KATNIP: variants seen among roughly 807,000 people sequenced by gnomAD.
The protein encoded by KATNIP is katanin-interacting protein.
A neutral mutation model predicts 174.0 loss-of-function variants in KATNIP; 126 were observed. The observed-to-expected ratio is 0.72, with a 90% CI of 0.63 to 0.84. The LOEUF is 0.84. Ranked by LOEUF, KATNIP falls within the 40% of genes least tolerant of loss-of-function variation. The pLI is 0.00. For synonymous variants in KATNIP, 810 were observed against 835.7 expected, an observed-to-expected ratio of 0.97 and a Z score of 0.53; for missense variants, 1,958 against 2,109.7, an observed-to-expected ratio of 0.93 and a Z score of 1.41.
intron 15 of KATNIP, among the ~76,000 whole-genome samples, chr16:27,744,243 G>A (rs1384287273): frequency 6.6e-6 from 1 of 152,156 alleles, no homozygotes; most frequent in Non-Finnish European, 1.5e-5. Flanking sequence ...GAGAGCCTGG[G>A]TAGTGGGTGC....
chr16:27,721,089 A>G (rs2080217330), intron 13 of KATNIP, among the ~76,000 whole-genome samples: 4 of 152,346 alleles, frequency 2.6e-5, no homozygotes, highest in South Asian at 2.1e-4. Flanking sequence ...CCCTGGCCCA[A>G]CCAACGACTG....
intron 13 of KATNIP, among the ~76,000 whole-genome samples, chr16:27,713,040 T>C (rs963914214): frequency 6.6e-6 from 1 of 152,160 alleles, no homozygotes; most frequent in Non-Finnish European, 1.5e-5. Flanking sequence ...TCTCCTGGCC[T>C]CAAGCAATCC....
intron 1 of KATNIP, among the ~76,000 whole-genome samples, chr16:27,552,861 A>G (rs2089449459): frequency 6.6e-6 from 1 of 151,480 alleles, no homozygotes; most frequent in Non-Finnish European, 1.5e-5. Context: ...CGCTCAGCTA[A>G]TTTTGTACTT....
chr16:27,595,693 C>G (rs142132565), intron 2 of KATNIP, among the ~76,000 whole-genome samples: 15 of 152,236 alleles, frequency 9.9e-5, no homozygotes, highest in Non-Finnish European at 2.1e-4. Flanking sequence ...AGCTTATGTG[C>G]CAGCGGCTGG....
At chr16:27,697,088 G>A (rs2078939724) in intron 8 of KATNIP, among the ~76,000 whole-genome samples, 1 of 152,144 alleles carries the variant, frequency 6.6e-6, no homozygotes, top group South Asian at 2.1e-4. Context: ...CCATGTCTTT[G>A]CTATTGTGAA....
At chr16:27,643,590 CAAAA>C (rs562253355) in intron 5 of KATNIP, among the ~76,000 whole-genome samples, 1 of 40,486 alleles carries the variant, frequency 2.5e-5, no homozygotes, top group Non-Finnish European at 4.0e-5. Context: ...GACTCTGTCT[CAAAA>C]AAAAAAAAAA....
chr16:27,708,595 C>G, intron 12 of KATNIP, 110 bp from the exon 13 acceptor site: 3 of 727,862 alleles, frequency 4.1e-6, no homozygotes. Context: ...GATGGAGAGA[C>G]TGAGACCCTG....
chr16:27,667,897 G>A (rs1305393374), intron 6 of KATNIP, among the ~76,000 whole-genome samples: 1 of 152,126 alleles, frequency 6.6e-6, no homozygotes, highest in Non-Finnish European at 1.5e-5. Flanking sequence ...AAAGGTGAGG[G>A]CTTGAAGCTC....
At chr16:27,587,819 G>A (rs1334437435) in intron 2 of KATNIP, among the ~76,000 whole-genome samples, 7 of 151,640 alleles carry the variant, frequency 4.6e-5, no homozygotes, top group East Asian at 1.9e-4. Flanking sequence ...CAATAAAGTT[G>A]AAAAATCCTA....
chr16:27,641,165 C>T (rs1331896263), intron 5 of KATNIP, among the ~76,000 whole-genome samples: 4 of 151,648 alleles, frequency 2.6e-5, no homozygotes, highest in Non-Finnish European at 5.9e-5. Context: ...GAGAGAGAGA[C>T]CTGGGCTTTC....
At position 27,779,693 on chromosome 16, in the gene KATNIP, A is replaced by G. The variant is rs1373336318; in HGVS notation, c.*1064A>G. On this transcript the variant is annotated 3_prime_UTR_variant, in exon 28 of 28. Coordinates refer to ENST00000261588, the MANE Select transcript of KATNIP (RefSeq NM_015202.5). ...TCAGCCACTTCCCAGCGAGTTGGAA[A>G]TGTGCCTTGCACCCCCAGCCGAGTG... 1 of 151,840 alleles carries G rather than the reference A, an allele frequency of 6.6e-6. No individual in the cohort carries two copies. Among genetic ancestry groups the G allele is most frequent in the Non-Finnish European group, 1.5e-5 (1 of 68,020 alleles). The allele number at this position is 151,840 out of a possible 1,614,324, so 9.4% of individuals were successfully genotyped here.
At chr16:27,733,608 C>CAG (rs1387478072) in intron 14 of KATNIP, among the ~76,000 whole-genome samples, 1 of 148,672 alleles carries the variant, frequency 6.7e-6, no homozygotes, top group Non-Finnish European at 1.5e-5. Flanking sequence ...CACACATATG[C>CAG]AGAGAGAGAG....
intron 22 of KATNIP, among the ~76,000 whole-genome samples, chr16:27,772,725 T>C (rs1052348907): frequency 9.2e-5 from 14 of 152,176 alleles, no homozygotes; most frequent in Non-Finnish European, 2.1e-4. Context: ...TACAATCAGT[T>C]TGTGACACAG....
At chr16:27,573,054 G>A (rs758931904) in intron 1 of KATNIP, among the ~76,000 whole-genome samples, 14 of 152,252 alleles carry the variant, frequency 9.2e-5, no homozygotes, top group South Asian at 2.1e-4. Context: ...CTCAGTCCCC[G>A]TTGCTTTCCT....
intron 19 of KATNIP, among the ~76,000 whole-genome samples, chr16:27,762,954 A>G (rs1371654178): frequency 6.6e-6 from 1 of 152,236 alleles, no homozygotes; most frequent in Non-Finnish European, 1.5e-5. Context: ...TTCCTCTGTC[A>G]GTATTTCAGT....
At chr16:27,751,229 C>G (rs576144425) in intron 16 of KATNIP, among the ~76,000 whole-genome samples, 1 of 152,150 alleles carries the variant, frequency 6.6e-6, no homozygotes, top group Non-Finnish European at 1.5e-5. Flanking sequence ...TTCCAGGAAG[C>G]CCAGCCACAA....
Position 27,737,217 on chromosome 16 carries a change from A to G in KATNIP, c.1744-2824A>G, listed in dbSNP as rs955358251. ...ACATAGTGAGACCCCGTCTCTACAA[A>G]AAAAAATTTATTTTAATTAGCTGGT... is the stretch of plus-strand genomic sequence containing the variant. On this transcript the variant is annotated intron_variant, in intron 14 of 27. Transcript: ENST00000261588. 3.3e-5 allele frequency among the ~76,000 whole-genome samples: 5 copies of G among 152,196 alleles called. 1 individual carries two copies. In the South Asian group the frequency reaches 6.2e-4, roughly 19 times the overall value.
intron 14 of KATNIP, among the ~76,000 whole-genome samples, chr16:27,732,060 T>G (rs1243580453): frequency 6.6e-6 from 1 of 152,234 alleles, no homozygotes; most frequent in Admixed American, 6.5e-5. Flanking sequence ...AAATGCACTT[T>G]GTTATGTGAA....
rs762861306 is a variant in KATNIP at position 27,628,872 on chromosome 16, CA to C, written c.310+46del. On this transcript the variant is annotated intron_variant, in intron 4 of 27. Coordinates refer to ENST00000261588, the MANE Select transcript of KATNIP (RefSeq NM_015202.5). ...CAGGCTGAGTCTCAGCTCTGTTAAT[CA>C]AAATTAATTAGGGGCAGGGTGCAGT... 8.0e-5 allele frequency: 128 copies of C among 1,601,206 alleles called. 1 individual carries two copies. The African/African-American group carries it at 1.5e-3, about 19-fold the overall frequency.
Sources: allele counts gnomAD v4.1 joint callset (sites outside exome capture counted in the v4.1 genomes callset), GRCh38; gene constraint gnomAD v4.1.1; transcripts MANE v1.5; gene names NCBI Gene and HGNC (gene_info 2026-07-23, HGNC 2026-07-21).